Variants in ZNF175 observed in about 807,000 individuals in gnomAD.
The protein encoded by ZNF175 is zinc finger protein OTK18.
In ZNF175, 8 loss-of-function variants were observed where a neutral mutation model predicts 14.0. The ratio of observed to expected loss-of-function variants is 0.57; its 90% CI spans 0.34 to 1.03. The LOEUF (loss-of-function observed/expected upper bound fraction) is 1.03. ZNF175 is among the 50% of genes least tolerant of loss of function. ZNF175 has a pLI of 0.03. For synonymous variants in ZNF175, 255 were observed against 296.8 expected (o/e 0.86, Z 1.45); for missense variants, 764 against 849.5 (o/e 0.90, Z 1.25).
chr19:51,588,156 C>A lies in ZNF175; in HGVS notation c.1825C>A (p.His609Asn). Residue 609 changes from histidine to asparagine, a missense_variant, in exon 5 of 5, where the codon CAC (histidine) becomes AAC (asparagine). His to Asn is a moderately conservative substitution (Grantham distance 68, BLOSUM62 1). Transcript: ENST00000262259. ...RSNFHKHQITHTRERPFVCYK... is the reference protein window; with the variant it reads ...RSNFHKHQITNTRERPFVCYK... ...AAATTTCCATAAACATCAAATAACT[C>A]ACACTAGAGAGAGGCCTTTTGTCTG... The A allele has an allele frequency of 6.2e-7, 1 of 1,614,114 alleles. No individual in the cohort carries two copies. Among genetic ancestry groups the A allele is most frequent in the East Asian group, 2.2e-5 (1 of 44,886 alleles).
chr19:51,577,695 A>C (rs527421713), intron 2 of ZNF175, among the ~76,000 whole-genome samples: 1 of 127,492 alleles, frequency 7.8e-6, no homozygotes, highest in Non-Finnish European at 1.6e-5. Flanking sequence ...ATGGAGTCTC[A>C]CTCTGTCGCC....
In ZNF175 at chr19:51,589,363, AGAG is replaced by A. The variant is rs1439152210; in HGVS notation, c.*897_*899del. ...ATGTAAGCAGATGAGTTATTTTTTA[AGAG>A]AATCTAATCTAATTGTTTTTATAAA... On this transcript the variant is annotated 3_prime_UTR_variant, in exon 5 of 5. Transcript: ENST00000262259. 4 of 580,666 alleles carry A rather than the reference AGAG, an allele frequency of 6.9e-6. No individual in the cohort carries two copies. The highest frequency in any genetic ancestry group is 1.2e-5 in the Non-Finnish European group (4 of 329,848). The allele number at this position is 580,666 out of a possible 1,614,324, so 36.0% of individuals were successfully genotyped here.
Position 51,587,427 on chromosome 19 carries a change from C to A in ZNF175, c.1096C>A (p.His366Asn), listed in dbSNP as rs1982204439. The A allele has an allele frequency of 6.2e-7, 1 of 1,614,198 alleles. No homozygotes were observed. Residue 366 changes from histidine (H) to asparagine (N), a missense_variant, in exon 5 of 5, where the codon CAT becomes AAT. Physicochemically the swap from His to Asn is moderately conservative, Grantham distance 68. Coordinates refer to ENST00000262259, the MANE Select transcript of ZNF175 (RefSeq NM_007147.4). ...THTRKKPYKC[H>N]DCGKAFFQML... The stretch of plus-strand genomic sequence containing the variant: ...CACTAGAAAGAAGCCCTATAAATGC[C>A]ATGACTGTGGAAAAGCCTTTTTCCA...
In ZNF175 at chr19:51,587,797, A is replaced by G. The variant is rs1021162753; in HGVS notation, c.1466A>G (p.Gln489Arg). Residue 489 changes from glutamine to arginine, a missense_variant, in exon 5 of 5, where the codon CAG becomes CGG. Physicochemically the swap from Gln to Arg is conservative, Grantham distance 43 (BLOSUM62 1). Coordinates refer to ENST00000262259, the MANE Select transcript of ZNF175 (RefSeq NM_007147.4). ...NCGKSFISKS[Q>R]LDIHHRIHTG... Reference sequence around the variant, plus strand: ...GGGAAATCCTTCATTTCCAAGTCACAGCTTGATATACATCATCGAATTCAT... The same window carrying G: ...GGGAAATCCTTCATTTCCAAGTCACGGCTTGATATACATCATCGAATTCAT... The G allele has an allele frequency of 4.3e-6, 7 of 1,614,096 alleles. No homozygotes were observed. Among genetic ancestry groups the G allele is most frequent in the Non-Finnish European group, 5.9e-6 (7 of 1,180,038 alleles).
chr19:51,585,067 A>G (rs1214848307), intron 4 of ZNF175, among the ~76,000 whole-genome samples: 1 of 152,240 alleles, frequency 6.6e-6, no homozygotes, highest in Admixed American at 6.5e-5. Context: ...ATATCCAAAA[A>G]GTGGAATTGT....
rs1223513429 is a variant in ZNF175, at chr19:51,589,871, T to A, written c.*1404T>A. On this transcript the variant is annotated 3_prime_UTR_variant, in exon 5 of 5. Coordinates refer to ENST00000262259, the MANE Select transcript of ZNF175 (RefSeq NM_007147.4). ...TTTACAGAAAATGTTTGCCAGCACA[T>A]GATACACACACAAACACACACACAT... 2 of 505,246 alleles carry A rather than the reference T, an allele frequency of 4.0e-6. No individual in the cohort carries two copies. Among genetic ancestry groups the A allele is most frequent in the Non-Finnish European group, 7.0e-6 (2 of 285,116 alleles). The allele number at this position is 505,246 out of a possible 1,614,324, so 31.3% of individuals were successfully genotyped here.
chr19:51,572,391 T>C lies in ZNF175; in HGVS notation c.-180-759T>C, dbSNP rs1981622837. ...AATGGTAACTGGAGGCCCTGATGCA[T>C]GTCTGCAAATTTTCTGTGTCAAGAT... On this transcript the variant is annotated intron_variant, in intron 1 of 4. Coordinates refer to ENST00000262259, the MANE Select transcript of ZNF175 (RefSeq NM_007147.4). Among the ~76,000 whole-genome samples the C allele has an allele frequency of 2.0e-5, 3 of 152,200 alleles. No individual in the cohort carries two copies. The South Asian group carries it at 6.2e-4, about 31-fold the overall frequency.
chr19:51,576,848 G>A (rs1981805691), intron 2 of ZNF175, among the ~76,000 whole-genome samples: 1 of 152,100 alleles, frequency 6.6e-6, no homozygotes. Flanking sequence ...TTTCGTGAAA[G>A]TGCATCCCCT....
At position 51,587,281 on chromosome 19, in the gene ZNF175, T is replaced by C. The variant is rs1982198831; in HGVS notation, c.950T>C (p.Met317Thr). ...HECGKCGKAFMPQLKLSVYLT... is the reference protein window; with the variant it reads ...HECGKCGKAFTPQLKLSVYLT... Reference sequence around the variant, plus strand: ...TGTGGCAAATGTGGAAAAGCCTTCATGCCACAACTAAAACTCAGTGTATAT... The same window carrying C: ...TGTGGCAAATGTGGAAAAGCCTTCACGCCACAACTAAAACTCAGTGTATAT... The change falls in exon 5 of 5, where the codon ATG (methionine) becomes ACG (threonine). Residue 317 changes from methionine (M) to threonine (T), a missense_variant. Transcript: ENST00000262259. 1.9e-6 allele frequency: 3 copies of C among 1,614,200 alleles called. No homozygotes were observed. The highest frequency in any genetic ancestry group is 3.3e-4 in the Middle Eastern group (2 of 6,062).
Position 51,592,400 on chromosome 19 carries a change from C to T in ZNF175, c.*3933C>T. The T allele has an allele frequency of 2.1e-6, 1 of 468,490 alleles. No individual in the cohort carries two copies. The highest frequency in any genetic ancestry group is 4.0e-5 in the South Asian group (1 of 24,708). 29.0% of individuals were successfully genotyped at this position (468,490 alleles called of 1,614,324 possible). On this transcript the variant is annotated 3_prime_UTR_variant, in exon 5 of 5. Transcript: ENST00000262259. ...CATGCGTTAATTATGTAAAGTCAAG[C>T]ATTAGAATGGTGGCTGTCCACCATG...
chr19:51,585,514 CT>C (rs925889952), intron 4 of ZNF175, among the ~76,000 whole-genome samples: 20 of 151,924 alleles, frequency 1.3e-4, no homozygotes, highest in African/African-American at 4.6e-4. Flanking sequence ...TAAAAGTGTC[CT>C]TTTTTTAAAA....
chr19:51,587,756 T>A lies in ZNF175; in HGVS notation c.1425T>A (p.Tyr475Ter). 1 of 1,614,166 alleles carries A rather than the reference T, an allele frequency of 6.2e-7. No individual in the cohort carries two copies. Among genetic ancestry groups the A allele is most frequent in the Non-Finnish European group, 8.5e-7 (1 of 1,180,028 alleles). Residue 475 changes from tyrosine (Y) to a stop codon, truncating the protein, a stop_gained, in exon 5 of 5, where the codon TAT becomes TAA. Coordinates refer to ENST00000262259, the MANE Select transcript of ZNF175 (RefSeq NM_007147.4). LOFTEE classifies it low-confidence loss of function (END_TRUNC). Reference sequence around the variant, plus strand: ...GAAGCCACACAGGAGAAAAACCTTATCAGTGCCACAACTGTGGGAAATCCT... The same window carrying A: ...GAAGCCACACAGGAGAAAAACCTTAACAGTGCCACAACTGTGGGAAATCCT... ...HQRSHTGEKP[Y>*]QCHNCGKSFI...
chr19:51,589,839 C>T lies in ZNF175; in HGVS notation c.*1372C>T. ...GCTGGAAACTGAAAATATCTACTCT[C>T]TGGCTCTTTACAGAAAATGTTTGCC... On this transcript the variant is annotated 3_prime_UTR_variant, in exon 5 of 5. Transcript: ENST00000262259. 1.9e-6 allele frequency: 1 copy of T among 534,888 alleles called. No homozygotes were observed. Among genetic ancestry groups the T allele is most frequent in the South Asian group, 2.8e-5 (1 of 36,336 alleles). 33.1% of individuals were successfully genotyped at this position (534,888 alleles called of 1,614,324 possible). A position where few individuals can be genotyped will look rare whatever the true frequency, so the allele number is the denominator to read the frequency against.
intron 2 of ZNF175, among the ~76,000 whole-genome samples, chr19:51,578,207 G>A (rs2122564590): frequency 6.7e-6 from 1 of 150,140 alleles, no homozygotes; most frequent in South Asian, 2.1e-4. Context: ...GACCAGCCTG[G>A]CCAACATGGT....
intron 2 of ZNF175, among the ~76,000 whole-genome samples, chr19:51,574,846 AT>A (rs1274866524): frequency 2.0e-5 from 3 of 151,920 alleles, no homozygotes; most frequent in African/African-American, 4.8e-5. Flanking sequence ...TAACAATGAA[AT>A]TTTTTTTCTG....
Position 51,585,937 on chromosome 19 carries a change from GA to G in ZNF175, c.296-681del, listed in dbSNP as rs896713566. Reference sequence around the variant, plus strand: ...GATATGGGTATATTCCTAAGTTCAAGAAAAAAAAATTGTAGCTTCATGGAGA... The same window carrying G: ...GATATGGGTATATTCCTAAGTTCAAGAAAAAAAATTGTAGCTTCATGGAGA... On this transcript the variant is annotated intron_variant, in intron 4 of 4. Transcript: ENST00000262259. 6.6e-5 allele frequency among the ~76,000 whole-genome samples: 10 copies of G among 151,482 alleles called. No individual in the cohort carries two copies. The East Asian group carries it at 1.6e-3, about 24-fold the overall frequency.
rs1378594878 is a variant in ZNF175 at position 51,588,581 on chromosome 19, A to G, written c.*114A>G. ...ATGTTATTGAATTCATGCTTCAGAA[A>G]AACTCTAGGGATGCACTGCATGTGT... On this transcript the variant is annotated 3_prime_UTR_variant, in exon 5 of 5. Transcript: ENST00000262259. The G allele has an allele frequency of 1.9e-5, 24 of 1,247,472 alleles. No homozygotes were observed. The highest frequency in any genetic ancestry group is 2.6e-5 in the East Asian group (1 of 38,674). The allele number at this position is 1,247,472 out of a possible 1,614,324, so 77.3% of individuals were successfully genotyped here.
At chr19:51,581,032 T>C (rs1981979336) in intron 2 of ZNF175, among the ~76,000 whole-genome samples, 1 of 152,034 alleles carries the variant, frequency 6.6e-6, no homozygotes, top group African/African-American at 2.4e-5. Flanking sequence ...GCTGCAAGAG[T>C]AGAAGCTTAT....
chr19:51,572,545 G>A (rs745531232), intron 1 of ZNF175, among the ~76,000 whole-genome samples: 3 of 152,118 alleles, frequency 2.0e-5, no homozygotes, highest in Admixed American at 6.5e-5. Flanking sequence ...GCCACCTCCC[G>A]GCCTGAGTTC....
Sources: gnomAD v4.1 joint callset for allele counts (sites outside exome capture counted in the v4.1 genomes callset) on GRCh38, gnomAD v4.1.1 for gene constraint, MANE v1.5 for transcripts, NCBI Gene and HGNC (gene_info 2026-07-23, HGNC 2026-07-21) for gene names.